The following CSMD1 variants were observed in gnomAD, a reference collection of about 807,000 sequenced individuals.
CSMD1 encodes the protein CUB and sushi domain-containing protein 1.
In CSMD1, 213 loss-of-function variants were observed where a neutral mutation model predicts 417.5. The ratio of observed to expected loss-of-function variants is 0.51; its 90% CI spans 0.46 to 0.57. The LOEUF is 0.57. Ranked by LOEUF, CSMD1 falls within the 20% of genes least tolerant of loss-of-function variation. CSMD1 has a pLI of 0.00. For missense variants in CSMD1, 6,923 were observed against 4,529.7 expected, an observed-to-expected ratio of 1.53 and a Z score of -15.17; for synonymous variants, 2,862 against 1,736.8, an observed-to-expected ratio of 1.65 and a Z score of -16.11.
chr8:4,278,447 A>G (rs918699833), intron 3 of CSMD1, among the ~76,000 whole-genome samples: 19 of 152,188 alleles, frequency 1.2e-4, no homozygotes, highest in African/African-American at 2.9e-4. Context: ...TGCTATAGCT[A>G]TATAAAATAT....
At chr8:3,787,818 A>G (rs1178736706) in intron 5 of CSMD1, among the ~76,000 whole-genome samples, 2 of 152,230 alleles carry the variant, frequency 1.3e-5, no homozygotes, top group African/African-American at 4.8e-5. Flanking sequence ...TGCTGGAATA[A>G]GAAATCAGTG....
intron 40 of CSMD1, among the ~76,000 whole-genome samples, chr8:3,144,041 A>AC (rs1818679530): frequency 6.6e-6 from 1 of 152,202 alleles, no homozygotes; most frequent in African/African-American, 2.4e-5. Flanking sequence ...GGGAGAAGCA[A>AC]AAGGGTAAAT....
intron 57 of CSMD1, among the ~76,000 whole-genome samples, chr8:2,971,414 C>T (rs192931120): frequency 3.9e-5 from 6 of 152,266 alleles, no homozygotes; most frequent in African/African-American, 1.2e-4. Flanking sequence ...TTCGTGAACA[C>T]GGGCAAGCTG....
At chr8:3,413,851 C>G (rs1289489826) in intron 12 of CSMD1, among the ~76,000 whole-genome samples, 1 of 151,914 alleles carries the variant, frequency 6.6e-6, no homozygotes, top group Non-Finnish European at 1.5e-5. Flanking sequence ...TAGAAACAAA[C>G]ACTACAGCCA....
At chr8:4,459,173 C>A (rs1490610289) in intron 2 of CSMD1, among the ~76,000 whole-genome samples, 1 of 152,206 alleles carries the variant, frequency 6.6e-6, no homozygotes, top group East Asian at 1.9e-4. Context: ...GGATAAACTG[C>A]AGATGAGTTT....
intron 1 of CSMD1, among the ~76,000 whole-genome samples, chr8:4,645,000 T>G (rs1052077948): frequency 5.3e-5 from 8 of 152,214 alleles, no homozygotes; most frequent in African/African-American, 1.9e-4. Context: ...TTGAAAGAAC[T>G]ATAAATCTAT....
intron 1 of CSMD1, among the ~76,000 whole-genome samples, chr8:4,874,267 C>G (rs1206011275): frequency 2.0e-5 from 3 of 151,924 alleles, no homozygotes; most frequent in East Asian, 3.8e-4. Context: ...GGGATACTGC[C>G]TAAAATCGCA....
intron 2 of CSMD1, among the ~76,000 whole-genome samples, chr8:4,454,747 G>T (rs540820727): frequency 6.6e-6 from 1 of 152,328 alleles, no homozygotes; most frequent in South Asian, 2.1e-4. Flanking sequence ...TACTCGTTTA[G>T]AAAGGAAGAA....
At chr8:4,765,789 G>A (rs745796101) in intron 1 of CSMD1, among the ~76,000 whole-genome samples, 2 of 152,162 alleles carry the variant, frequency 1.3e-5, no homozygotes, top group South Asian at 4.1e-4. Flanking sequence ...GAGAGCCTGG[G>A]GGTTGATGAA....
chr8:4,133,524 T>A (rs1803236218), intron 3 of CSMD1, among the ~76,000 whole-genome samples: 1 of 152,190 alleles, frequency 6.6e-6, no homozygotes, highest in Non-Finnish European at 1.5e-5. Context: ...CATATTCTAC[T>A]TTTCCTTCTC....
chr8:3,813,749 T>C (rs547781181), intron 5 of CSMD1, among the ~76,000 whole-genome samples: 86 of 152,314 alleles, frequency 5.6e-4, no homozygotes, highest in African/African-American at 1.2e-3. Flanking sequence ...TCTGGAGGTA[T>C]GAGGGATCAA....
intron 2 of CSMD1, among the ~76,000 whole-genome samples, chr8:4,625,643 C>A (rs1210734357): frequency 1.3e-5 from 2 of 151,682 alleles, no homozygotes; most frequent in Non-Finnish European, 2.9e-5. Flanking sequence ...AATATTTAAT[C>A]TAAAAAAAAA....
At chr8:4,314,141 A>C (rs909804938) in intron 3 of CSMD1, among the ~76,000 whole-genome samples, 1 of 152,102 alleles carries the variant, frequency 6.6e-6, no homozygotes, top group African/African-American at 2.4e-5. Context: ...AGAGACTGTC[A>C]ACACATCCGA....
intron 5 of CSMD1, among the ~76,000 whole-genome samples, chr8:3,828,333 G>C (rs2129086206): frequency 6.6e-6 from 1 of 152,236 alleles, no homozygotes; most frequent in South Asian, 2.1e-4. Context: ...TAAGTATAAT[G>C]AATCTATAAT....
chr8:4,956,448 A>C (rs1809118013), intron 1 of CSMD1, among the ~76,000 whole-genome samples: 1 of 148,698 alleles, frequency 6.7e-6, no homozygotes, highest in African/African-American at 2.4e-5. Flanking sequence ...TAATATACAT[A>C]TTAAAATATA....
intron 5 of CSMD1, among the ~76,000 whole-genome samples, chr8:3,828,757 G>C (rs1396109405): frequency 1.3e-5 from 2 of 152,058 alleles, no homozygotes; most frequent in South Asian, 4.1e-4. Context: ...CTAAACATCA[G>C]TGAGGTCCTG....
At chr8:2,988,017 G>C (rs1585100362) in intron 54 of CSMD1, among the ~76,000 whole-genome samples, 1 of 152,252 alleles carries the variant, frequency 6.6e-6, no homozygotes, top group East Asian at 1.9e-4. Context: ...GCATGCGTTA[G>C]CTATTTTTCC....
chr8:4,967,933 T>G (rs1421055578), intron 1 of CSMD1, among the ~76,000 whole-genome samples: 2 of 152,132 alleles, frequency 1.3e-5, no homozygotes, highest in African/African-American at 4.8e-5. Flanking sequence ...CCAAAATGAT[T>G]GAAAATGATG....
At chr8:4,898,444 T>C (rs577587879) in intron 1 of CSMD1, among the ~76,000 whole-genome samples, 50 of 152,258 alleles carry the variant, frequency 3.3e-4, no homozygotes, top group African/African-American at 1.2e-3. Flanking sequence ...AAGGACCGCA[T>C]GGGTGTAGAA....
Sources: gnomAD v4.1 joint callset for allele counts (sites outside exome capture counted in the v4.1 genomes callset) on GRCh38, gnomAD v4.1.1 for gene constraint, MANE v1.5 for transcripts, NCBI Gene and HGNC (gene_info 2026-07-23, HGNC 2026-07-21) for gene names.